The following ARHGEF10 variants were observed in gnomAD, a reference collection of about 807,000 sequenced individuals.
ARHGEF10 encodes Rho guanine nucleotide exchange factor (GEF) 10.
A neutral mutation model predicts 147.4 loss-of-function variants in ARHGEF10; 140 were observed. The observed-to-expected ratio is 0.95, with a 90% confidence interval of 0.83 to 1.09. The LOEUF (loss-of-function observed/expected upper bound fraction) is 1.09. Among genes scored for constraint, ARHGEF10 ranks in the 50% least tolerant of loss-of-function variants. ARHGEF10 has a pLI of 0.00. For synonymous variants in ARHGEF10, 902 were observed against 695.8 expected (o/e 1.30, Z -4.67); for missense variants, 2,222 against 1,752.7 (o/e 1.27, Z -4.78).
rs760532587 is a variant in ARHGEF10, at chr8:1,857,973, A to G, written c.51A>G (p.Lys17=). 3 of 1,613,942 alleles carry G rather than the reference A, an allele frequency of 1.9e-6. No individual in the cohort carries two copies. Among genetic ancestry groups the G allele is most frequent in the Non-Finnish European group, 2.5e-6 (3 of 1,179,920 alleles). Reference sequence around the variant, plus strand: ...TTTTCTTTTTAGAAAATGAAATGAAATATGATACCAATAATAATGAAGAGG... The same window carrying G: ...TTTTCTTTTTAGAAAATGAAATGAAGTATGATACCAATAATAATGAAGAGG... ...LPPAPAENEM[K]YDTNNNEEEE... The change falls in exon 3 of 29, where the codon AAA becomes AAG. Residue 17 remains lysine (K), a synonymous_variant. Transcript: ENST00000349830.
intron 20 of ARHGEF10, 25 bp downstream of exon 20, chr8:1,923,620 C>G: frequency 6.2e-7 from 1 of 1,614,100 alleles, no homozygotes; most frequent in South Asian, 1.1e-5. Context: ...TAAAACGAAA[C>G]CTTCTTGGCC....
In ARHGEF10 at chr8:1,883,682, T is replaced by G. The variant is rs532376890; in HGVS notation, c.1075+933T>G. Among the ~76,000 whole-genome samples, 19 of 152,206 alleles carry G rather than the reference T, an allele frequency of 1.2e-4. 1 individual carries two copies. Among genetic ancestry groups the G allele is most frequent in the Admixed American group, 1.1e-3 (17 of 15,294 alleles). On this transcript the variant is annotated intron_variant, in intron 10 of 28. Transcript: ENST00000349830. ...TTATTTGGTGATGGAGACGGGCAGG[T>G]GCATTCTAATAAAATGTGCAGTAGT...
Position 1,908,236 on chromosome 8 carries a change from T to TTTTTTTTC in ARHGEF10, c.1968-1052_1968-1051insCTTTTTTT, listed in dbSNP as rs1811061313. Among the ~76,000 whole-genome samples, 5 of 148,126 alleles carry TTTTTTTTC rather than the reference T, an allele frequency of 3.4e-5. 1 individual carries two copies. The highest frequency in any genetic ancestry group is 2.0e-4 in the Admixed American group (3 of 14,980). On this transcript the variant is annotated intron_variant, in intron 17 of 28. Coordinates refer to ENST00000349830, the MANE Select transcript of ARHGEF10 (RefSeq NM_014629.4). ...TTCTACCCACACTTTGATTTTTTTT[T>TTTTTTTTC]TTTTTTTTTTTTGAGAAAGAGTCTC...
At chr8:1,908,648 G>A (rs528541752) in intron 17 of ARHGEF10, among the ~76,000 whole-genome samples, 41 of 152,340 alleles carry the variant, frequency 2.7e-4, no homozygotes, top group South Asian at 6.2e-4. Context: ...GGATGCTGGC[G>A]ATGTCACAGC....
intron 7 of ARHGEF10, among the ~76,000 whole-genome samples, chr8:1,871,546 G>A (rs866339840): frequency 7.2e-5 from 11 of 152,088 alleles, no homozygotes; most frequent in South Asian, 2.1e-4. Flanking sequence ...CAGAATGGGC[G>A]CGGTGGCTCA....
intron 2 of ARHGEF10, among the ~76,000 whole-genome samples, chr8:1,846,727 C>A (rs1181399044): frequency 6.6e-6 from 1 of 152,126 alleles, no homozygotes; most frequent in Admixed American, 6.5e-5. Context: ...TAGACACCTG[C>A]CACCATGCCC....
At chr8:1,830,797 A>C (rs567463724) in intron 1 of ARHGEF10, among the ~76,000 whole-genome samples, 103 of 152,338 alleles carry the variant, frequency 6.8e-4, no homozygotes, top group Admixed American at 2.9e-3. Context: ...ACGGGGCTAC[A>C]AGGTGCGGAG....
At chr8:1,894,620 T>A in intron 13 of ARHGEF10, 48 bp downstream of exon 13, 1 of 1,593,780 alleles carries the variant, frequency 6.3e-7, no homozygotes, top group Non-Finnish European at 8.6e-7. Flanking sequence ...TCCATGCACC[T>A]GTCCTCTCTT....
At chr8:1,840,262 G>C (rs1274590219) in intron 1 of ARHGEF10, among the ~76,000 whole-genome samples, 132 of 141,184 alleles carry the variant, frequency 9.3e-4, no homozygotes, top group African/African-American at 3.2e-3. Flanking sequence ...GTCCGGTGTG[G>C]AATCTGTCCG....
intron 27 of ARHGEF10, among the ~76,000 whole-genome samples, chr8:1,951,272 T>C (rs569459034): frequency 6.6e-6 from 1 of 152,372 alleles, no homozygotes; most frequent in Admixed American, 6.5e-5. Flanking sequence ...GGGAATCGCG[T>C]ACCCTGCGTA....
chr8:1,939,840 G>T (rs2129256495), intron 26 of ARHGEF10, among the ~76,000 whole-genome samples: 1 of 152,340 alleles, frequency 6.6e-6, no homozygotes, highest in East Asian at 1.9e-4. Flanking sequence ...GGCAGTGCAG[G>T]CATCCCCATG....
chr8:1,901,489 A>G (rs1292836205), intron 15 of ARHGEF10, among the ~76,000 whole-genome samples: 4 of 152,202 alleles, frequency 2.6e-5, no homozygotes, highest in African/African-American at 4.8e-5. Context: ...AGAAACATCC[A>G]TTGGCCCTGT....
intron 1 of ARHGEF10, among the ~76,000 whole-genome samples, chr8:1,836,426 A>G (rs1312120398): frequency 2.0e-5 from 3 of 152,050 alleles, no homozygotes; most frequent in African/African-American, 7.2e-5. Context: ...CCACCATTGA[A>G]AACGATGCCG....
chr8:1,826,408 GTGC>G (rs778017122), intron 1 of ARHGEF10, among the ~76,000 whole-genome samples: 2 of 45,534 alleles, frequency 4.4e-5, no homozygotes, highest in Non-Finnish European at 9.3e-5. Context: ...GTTTGTGTGT[GTGC>G]TGTGTGTGTG....
At chr8:1,892,422 T>C (rs756833798) in intron 11 of ARHGEF10, among the ~76,000 whole-genome samples, 8 of 152,132 alleles carry the variant, frequency 5.3e-5, no homozygotes, top group Non-Finnish European at 1.2e-4. Flanking sequence ...TTGATTTTTG[T>C]CTTTTGCGAA....
rs1808850417 is a variant in ARHGEF10, at chr8:1,888,031, TAG to T, written c.1182+2325_1182+2326del. ...GTGAGCTTTGTTAGGAGGCACTGAG[TAG>T]GGTGAGGGTTGTTAGGAGACAGTGA... On this transcript the variant is annotated intron_variant, in intron 11 of 28. Transcript: ENST00000349830. Among the ~76,000 whole-genome samples, 4 of 130,836 alleles carry T rather than the reference TAG, an allele frequency of 3.1e-5. No individual in the cohort carries two copies. In the East Asian group the frequency reaches 1.1e-3, roughly 38 times the overall value. 85.8% of individuals were successfully genotyped at this position (130,836 alleles called of 152,430 possible).
chr8:1,862,950 T>A (rs1170001806), intron 4 of ARHGEF10, among the ~76,000 whole-genome samples: 1 of 151,472 alleles, frequency 6.6e-6, no homozygotes, highest in African/African-American at 2.4e-5. Context: ...GGCTAATTTT[T>A]TGTATTTTTT....
Position 1,903,392 on chromosome 8 carries a change from G to C in ARHGEF10, c.1762G>C (p.Asp588His), listed in dbSNP as rs201726860. 1.2e-5 allele frequency: 20 copies of C among 1,614,204 alleles called. No homozygotes were observed. Among genetic ancestry groups the C allele is most frequent in the South Asian group, 5.5e-5 (5 of 91,086 alleles). ...GTTAAATGAAAGAAAGAGAGATGCTGATCAACGCTGTGAAGTGAAGCAAAT... is the reference window on the plus strand; with the variant it reads ...GTTAAATGAAAGAAAGAGAGATGCTCATCAACGCTGTGAAGTGAAGCAAAT... ...EKLNERKRDA[D>H]QRCEVKQIAK... Residue 588 changes from aspartate to histidine, a missense_variant, in exon 16 of 29, where the codon GAT becomes CAT. Asp to His is a moderately conservative substitution (Grantham distance 81, BLOSUM62 -1). Transcript: ENST00000349830.
chr8:1,922,317 T>G (rs1812357597), intron 18 of ARHGEF10, among the ~76,000 whole-genome samples: 1 of 151,558 alleles, frequency 6.6e-6, no homozygotes, highest in Admixed American at 6.6e-5. Flanking sequence ...CTCATTTTCA[T>G]GGTAGATGAC....
Sources: allele counts gnomAD v4.1 joint callset (sites outside exome capture counted in the v4.1 genomes callset), GRCh38; gene constraint gnomAD v4.1.1; transcripts MANE v1.5; gene names NCBI Gene and HGNC (gene_info 2026-07-23, HGNC 2026-07-21).